Variants in TPD52 observed in about 807,000 individuals in gnomAD.
The protein encoded by TPD52 is tumor protein D52.
TPD52 carries 17 observed loss-of-function variants against 31.3 expected under a neutral mutation model. The ratio of observed to expected loss-of-function variants is 0.54; its 90% CI spans 0.37 to 0.82. The LOEUF (loss-of-function observed/expected upper bound fraction) is 0.82. Among genes scored for constraint, TPD52 ranks in the 40% least tolerant of loss-of-function variants. The pLI is 0.00. For missense variants in TPD52, 212 were observed against 240.1 expected, an observed-to-expected ratio of 0.88 and a Z score of 0.77; for synonymous variants, 83 against 89.6, an observed-to-expected ratio of 0.93 and a Z score of 0.42.
intron 1 of TPD52, among the ~76,000 whole-genome samples, chr8:80,112,001 C>T (rs966440947): frequency 1.3e-5 from 2 of 152,232 alleles, no homozygotes; most frequent in Non-Finnish European, 2.9e-5. Context: ...CATTAATTGG[C>T]TCATATTCTA....
chr8:80,076,307 T>C (rs1814524869), intron 1 of TPD52, among the ~76,000 whole-genome samples: 2 of 151,988 alleles, frequency 1.3e-5, no homozygotes, highest in African/African-American at 2.4e-5. Context: ...ATATATGCCA[T>C]GGAACACTAT....
Position 80,116,215 on chromosome 8 carries a change from T to C in TPD52, c.20-51622A>G, listed in dbSNP as rs1219965624. Among the ~76,000 whole-genome samples the C allele has an allele frequency of 2.0e-5, 3 of 152,204 alleles. 1 individual carries two copies. Among genetic ancestry groups the C allele is most frequent in the East Asian group, 1.9e-4 (1 of 5,198 alleles). On this transcript the variant is annotated intron_variant, in intron 1 of 7. Transcript: ENST00000518937. ...TTAATGACCATAAATAGGTTAGTTA[T>C]GGAACACTATGTGGTCACTAAAAGA...
chr8:80,083,250 C>T (rs1216018136), intron 1 of TPD52, among the ~76,000 whole-genome samples: 5 of 151,368 alleles, frequency 3.3e-5, no homozygotes, highest in Admixed American at 6.6e-5. Flanking sequence ...ATAAAGATGA[C>T]TCTAGAAATG....
chr8:80,113,616 CT>C (rs1279256918), intron 1 of TPD52, among the ~76,000 whole-genome samples: 1 of 152,130 alleles, frequency 6.6e-6, no homozygotes, highest in Non-Finnish European at 1.5e-5. Context: ...GAATGAAATC[CT>C]GTCATTCACA....
In TPD52 at chr8:80,064,518, G is replaced by A. The variant is rs150326619; in HGVS notation, c.95C>T (p.Ser32Leu). Residue 32 changes from serine to leucine, a missense_variant, in exon 2 of 8, where the codon TCG (serine) becomes TTG (leucine). Ser to Leu is a moderately radical substitution (Grantham distance 145). Transcript: ENST00000518937. ...AATISATETL[S>L]EEEQEELRRE... Reference sequence around the variant, plus strand: ...TCTTAGCTCTTCCTGCTCCTCTTCCGAGAGGGTCTCTGTGGCACTGATCGT... The same window carrying A: ...TCTTAGCTCTTCCTGCTCCTCTTCCAAGAGGGTCTCTGTGGCACTGATCGT... 2.4e-4 allele frequency: 384 copies of A among 1,613,988 alleles called. 1 individual carries two copies. Among genetic ancestry groups the A allele is most frequent in the Admixed American group, 8.2e-4 (49 of 59,990 alleles).
chr8:80,059,449 A>G (rs1812260187), intron 2 of TPD52, among the ~76,000 whole-genome samples: 1 of 102,232 alleles, frequency 9.8e-6, no homozygotes, highest in South Asian at 3.4e-4. Flanking sequence ...AATAAGGAAG[A>G]GATTAGATAT....
At chr8:80,125,445 C>A (rs955946677) in intron 1 of TPD52, among the ~76,000 whole-genome samples, 1 of 152,098 alleles carries the variant, frequency 6.6e-6, no homozygotes, top group Non-Finnish European at 1.5e-5. Context: ...AACAAACATG[C>A]AAGCCTTGCA....
intron 7 of TPD52, among the ~76,000 whole-genome samples, chr8:80,039,872 C>T (rs1231440835): frequency 2.0e-5 from 3 of 152,152 alleles, no homozygotes; most frequent in African/African-American, 7.2e-5. Context: ...CTTTCTGCCA[C>T]TTGTCCTCAT....
In TPD52 at chr8:80,053,485, G is replaced by A. The variant is rs1345130939; in HGVS notation, c.136-55C>T. The stretch of plus-strand genomic sequence containing the variant: ...TAGCAAAAGTCATTCAGTAAGTTAA[G>A]ATTATTACCACAGAACTACATCCAA... On this transcript the variant is annotated intron_variant, in intron 2 of 7. Coordinates refer to ENST00000518937, the MANE Select transcript of TPD52 (RefSeq NM_001025253.3). 1.9e-6 allele frequency: 3 copies of A among 1,561,774 alleles called. No individual in the cohort carries two copies. The African/African-American group carries it at 4.1e-5, about 21-fold the overall frequency.
chr8:80,064,860 T>C (rs1812950776), intron 1 of TPD52: 1 of 596,250 alleles, frequency 1.7e-6, no homozygotes. Flanking sequence ...AGTCACAATA[T>C]AGTTATGGCA....
intron 1 of TPD52, among the ~76,000 whole-genome samples, chr8:80,134,389 T>G (rs1006331158): frequency 2.0e-5 from 3 of 152,350 alleles, no homozygotes; most frequent in South Asian, 4.1e-4. Context: ...AAGTTTCCAA[T>G]GTCTTAATGC....
At chr8:80,124,784 C>T (rs982395952) in intron 1 of TPD52, among the ~76,000 whole-genome samples, 10 of 151,976 alleles carry the variant, frequency 6.6e-5, no homozygotes, top group African/African-American at 2.4e-4. Context: ...TATTCTGATC[C>T]CAGGACCATT....
At chr8:80,070,562 A>G (rs1162765424) in intron 1 of TPD52, among the ~76,000 whole-genome samples, 1 of 152,242 alleles carries the variant, frequency 6.6e-6, no homozygotes, top group African/African-American at 2.4e-5. Flanking sequence ...TCATGCTCCT[A>G]TGAGAATCTA....
intron 1 of TPD52, among the ~76,000 whole-genome samples, chr8:80,106,997 G>A (rs953712258): frequency 1.3e-5 from 2 of 151,610 alleles, no homozygotes; most frequent in Non-Finnish European, 1.5e-5. Context: ...GACTACAGGC[G>A]CCTGCCACCA....
downstream of TPD52, among the ~76,000 whole-genome samples, chr8:80,034,091 T>C (rs2130289206): frequency 6.6e-6 from 1 of 152,048 alleles, no homozygotes; most frequent in South Asian, 2.1e-4. Context: ...CCTCCCATGC[T>C]CACTGGTGCC....
intron 1 of TPD52, among the ~76,000 whole-genome samples, chr8:80,108,603 G>C (rs1593465): frequency 0.43 from 65,845 of 152,008 alleles, 14,875 homozygotes; most frequent in East Asian, 0.79. Flanking sequence ...AAGTACTCTG[G>C]ATATACAGGT....
intron 1 of TPD52, among the ~76,000 whole-genome samples, chr8:80,126,684 C>T (rs967245303): frequency 1.4e-4 from 21 of 151,818 alleles, no homozygotes; most frequent in Non-Finnish European, 1.0e-4. Context: ...GGTTTCACCA[C>T]GTTGACCGGG....
At chr8:80,062,584 A>G (rs1812664524) in intron 2 of TPD52, among the ~76,000 whole-genome samples, 1 of 152,178 alleles carries the variant, frequency 6.6e-6, no homozygotes, top group South Asian at 2.1e-4. Flanking sequence ...AAAATAACAA[A>G]TGTTGCCAGG....
At chr8:80,124,475 G>GC (rs1286216795) in intron 1 of TPD52, among the ~76,000 whole-genome samples, 1 of 152,144 alleles carries the variant, frequency 6.6e-6, no homozygotes, top group Non-Finnish European at 1.5e-5. Context: ...GCCCAGCCTG[G>GC]CAAGTTTCAT....
Sources: allele counts gnomAD v4.1 joint callset (sites outside exome capture counted in the v4.1 genomes callset), GRCh38; gene constraint gnomAD v4.1.1; transcripts MANE v1.5; gene names NCBI Gene and HGNC (gene_info 2026-07-23, HGNC 2026-07-21).